The following SDAD1 variants were observed in gnomAD, a reference collection of about 807,000 sequenced individuals.
SDAD1 encodes the protein SDA1 domain containing 1.
A neutral mutation model predicts 100.3 loss-of-function variants in SDAD1; 79 were observed. That is an observed-to-expected ratio of 0.79 (90% CI 0.66 to 0.95). SDAD1 has a LOEUF of 0.95. SDAD1 is among the 40% of genes least tolerant of loss of function. The pLI is 0.00. For missense variants in SDAD1, 790 were observed against 810.9 expected (o/e 0.97, Z 0.31); for synonymous variants, 267 against 271.4 (o/e 0.98, Z 0.16).
intron 14 of SDAD1, among the ~76,000 whole-genome samples, chr4:75,962,173 T>C (rs1308225397): frequency 6.6e-6 from 1 of 152,184 alleles, no homozygotes; most frequent in Non-Finnish European, 1.5e-5. Flanking sequence ...CTTGCGATAG[T>C]TTGCTAAGAA....
At chr4:75,950,959 G>C (rs1728599980) in intron 21 of SDAD1, among the ~76,000 whole-genome samples, 162 bp from the exon 22 acceptor site, 1 of 152,074 alleles carries the variant, frequency 6.6e-6, no homozygotes, top group Non-Finnish European at 1.5e-5. Flanking sequence ...CTGAATCGAG[G>C]ATGGGGCATA....
At chr4:75,956,836 G>A (rs1728923451) in intron 20 of SDAD1, among the ~76,000 whole-genome samples, 1 of 152,308 alleles carries the variant, frequency 6.6e-6, no homozygotes, top group Non-Finnish European at 1.5e-5. Context: ...CTGGCTGGGC[G>A]CAATGGCTCA....
At chr4:75,958,879 C>T (rs920206139) in intron 17 of SDAD1, among the ~76,000 whole-genome samples, 8 of 150,930 alleles carry the variant, frequency 5.3e-5, no homozygotes, top group Non-Finnish European at 1.0e-4. Flanking sequence ...GGGCGGATCA[C>T]AAGGTCAGGA....
At chr4:75,973,256 C>A in intron 8 of SDAD1, 61 bp downstream of exon 8, 2 of 1,349,740 alleles carry the variant, frequency 1.5e-6, no homozygotes, top group Non-Finnish European at 2.1e-6. Flanking sequence ...ATAGACTTTA[C>A]AATGTGTACT....
At chr4:75,967,795 T>C (rs957109476) in intron 11 of SDAD1, among the ~76,000 whole-genome samples, 1 of 107,098 alleles carries the variant, frequency 9.3e-6, no homozygotes, top group African/African-American at 2.9e-5. Flanking sequence ...TATTCTTGTA[T>C]ACCAGTCCAA....
intron 21 of SDAD1, among the ~76,000 whole-genome samples, chr4:75,951,055 CAG>C (rs1428838491): frequency 6.6e-6 from 1 of 152,122 alleles, no homozygotes; most frequent in Non-Finnish European, 1.5e-5. Flanking sequence ...CTATGGAATG[CAG>C]AGACTACTAT....
At chr4:75,990,721 G>A (rs917541212) in intron 1 of SDAD1, 31 bp downstream of exon 1, 1 of 1,613,092 alleles carries the variant, frequency 6.2e-7, no homozygotes, top group Non-Finnish European at 8.5e-7. Context: ...CCACTATCCG[G>A]CCTCTAGCGT....
intron 6 of SDAD1, among the ~76,000 whole-genome samples, chr4:75,974,438 G>A (rs771072584): frequency 1.3e-5 from 2 of 151,200 alleles, no homozygotes; most frequent in African/African-American, 4.8e-5. Context: ...TGAGAAGATC[G>A]GGGACAGTGG....
chr4:75,955,985 C>T lies in SDAD1; in HGVS notation c.2006G>A (p.Arg669Gln), dbSNP rs375255291. The change falls in exon 21 of 22, where the codon CGA (arginine) becomes CAA (glutamine). Residue 669 changes from arginine (R) to glutamine (Q), a missense_variant. Coordinates refer to ENST00000356260, the MANE Select transcript of SDAD1 (RefSeq NM_018115.4). Reference protein sequence around the residue: ...NVRSKNKRSFREKQLALRDAL... With the variant: ...NVRSKNKRSFQEKQLALRDAL... The stretch of plus-strand genomic sequence containing the variant: ...TCAAGTGGAACTCACCTGTTTTTCT[C>T]GGAAGGAACGCTTATTTTTTGACCG... 5.6e-6 allele frequency: 9 copies of T among 1,595,460 alleles called. No homozygotes were observed. Among genetic ancestry groups the T allele is most frequent in the Middle Eastern group, 4.4e-4 (2 of 4,568 alleles).
chr4:75,956,821 T>A (rs1357971117), intron 20 of SDAD1, among the ~76,000 whole-genome samples: 1 of 152,222 alleles, frequency 6.6e-6, no homozygotes. Context: ...TCAAAACTCA[T>A]CTAACTGGCT....
chr4:75,957,772 T>C (rs1560536700), intron 18 of SDAD1, 64 bp from the exon 19 acceptor site: 5 of 1,611,860 alleles, frequency 3.1e-6, no homozygotes, highest in Non-Finnish European at 4.2e-6. Flanking sequence ...ATTTAAATTG[T>C]AGCCTCCCAA....
At chr4:75,959,731 G>T (rs1729123251) in intron 17 of SDAD1, among the ~76,000 whole-genome samples, 1 of 152,210 alleles carries the variant, frequency 6.6e-6, no homozygotes, top group African/African-American at 2.4e-5. Context: ...TCAACAAGGA[G>T]AATTTTGGGG....
chr4:75,983,646 T>C (rs2149330972), intron 1 of SDAD1, among the ~76,000 whole-genome samples: 1 of 152,308 alleles, frequency 6.6e-6, no homozygotes, highest in South Asian at 2.1e-4. Context: ...GTTTTTTTTT[T>C]CTTGTAAATT....
At chr4:75,985,201 G>C (rs559792436) in intron 1 of SDAD1, among the ~76,000 whole-genome samples, 1 of 152,026 alleles carries the variant, frequency 6.6e-6, no homozygotes, top group East Asian at 1.9e-4. Context: ...GTCACCACAA[G>C]AGCCCAGTAT....
At chr4:75,963,802 TA>T (rs1251993252) in intron 14 of SDAD1, among the ~76,000 whole-genome samples, 1 of 152,138 alleles carries the variant, frequency 6.6e-6, no homozygotes, top group Non-Finnish European at 1.5e-5. Context: ...GCTCCAGAAC[TA>T]GGAGCCAAAT....
At chr4:75,974,415 A>C (rs1489471848) in intron 6 of SDAD1, among the ~76,000 whole-genome samples, 3 of 151,900 alleles carry the variant, frequency 2.0e-5, no homozygotes, top group Non-Finnish European at 2.9e-5. Context: ...AAAAAAAAAA[A>C]AAAAACAACA....
chr4:75,954,251 G>A (rs562412067), intron 21 of SDAD1, among the ~76,000 whole-genome samples: 14 of 152,076 alleles, frequency 9.2e-5, no homozygotes, highest in Non-Finnish European at 1.9e-4. Flanking sequence ...GCGTGGTGGC[G>A]GGCACCTGTA....
At chr4:75,970,261 T>C (rs1216793320) in intron 10 of SDAD1, 48 bp downstream of exon 10, 1 of 1,461,312 alleles carries the variant, frequency 6.8e-7, no homozygotes, top group South Asian at 1.2e-5. Flanking sequence ...GGAAATAAAA[T>C]AGGCAGAGAT....
chr4:75,980,526 A>G (rs540746639), intron 3 of SDAD1, among the ~76,000 whole-genome samples: 1 of 152,356 alleles, frequency 6.6e-6, no homozygotes, highest in Admixed American at 6.5e-5. Context: ...CCCTAGAAGC[A>G]GAGACTGATT....
Sources: allele counts gnomAD v4.1 joint callset (sites outside exome capture counted in the v4.1 genomes callset), GRCh38; gene constraint gnomAD v4.1.1; transcripts MANE v1.5; gene names NCBI Gene and HGNC (gene_info 2026-07-23, HGNC 2026-07-21).